The following RUBCNL variants were observed in gnomAD, a reference collection of about 807,000 sequenced individuals.
RUBCNL encodes rubicon like autophagy enhancer.
In RUBCNL, 62 loss-of-function variants were observed where a neutral mutation model predicts 69.5. The ratio of observed to expected loss-of-function variants is 0.89; its 90% CI spans 0.73 to 1.10. The LOEUF (loss-of-function observed/expected upper bound fraction) is 1.10, where lower values mean the gene tolerates loss of function less well. Among genes scored for constraint, RUBCNL ranks in the 50% least tolerant of loss-of-function variants. The pLI, the probability that RUBCNL is intolerant of heterozygous loss-of-function variation, is 0.00. For missense variants in RUBCNL, 768 were observed against 798.1 expected (o/e 0.96, Z 0.45); for synonymous variants, 291 against 303.6 (o/e 0.96, Z 0.43).
chr13:46,361,470 C>A lies in RUBCNL; in HGVS notation c.1090G>T (p.Ala364Ser), dbSNP rs762175630. ...WILSVVNSQL[A>S]GSLSAAGSIV... ...GAGCCAGCTGCACTCAGGGAACCTG[C>A]CAGCTGAGAATTAACTACTGACAGT... Residue 364 changes from alanine (A) to serine (S), a missense_variant, in exon 8 of 15, where the codon GCA becomes TCA. Coordinates refer to ENST00000429979, the MANE Select transcript of RUBCNL (RefSeq NM_025113.5). 52 of 1,613,768 alleles carry A rather than the reference C, an allele frequency of 3.2e-5. No homozygotes were observed. The highest frequency in any genetic ancestry group is 4.2e-5 in the Non-Finnish European group (50 of 1,179,832).
In RUBCNL at chr13:46,343,119, A is replaced by T; in HGVS notation, c.*266T>A. 1.9e-6 allele frequency: 1 copy of T among 532,820 alleles called. No individual in the cohort carries two copies. The highest frequency in any genetic ancestry group is 3.3e-6 in the Non-Finnish European group (1 of 305,454). The allele number at this position is 532,820 out of a possible 1,614,324, so 33.0% of individuals were successfully genotyped here. On this transcript the variant is annotated 3_prime_UTR_variant, in exon 15 of 15. Coordinates refer to ENST00000429979, the MANE Select transcript of RUBCNL (RefSeq NM_025113.5). ...AGCATCAGTGAAACATAACTATTCA[A>T]ATACAAAAGTATAAAAAACCTCTTT...
In RUBCNL at chr13:46,359,578, T is replaced by C; in HGVS notation, c.1173A>G (p.Val391=). The part of the protein sequence containing the change: ...RKDFESSMNV[V]QEIKFKSRIR... ...TCCTAGACTTAAATTTAATTTCCTGTACTACATTCATACTGGATTCAAAGT... is the reference window on the plus strand; with the variant it reads ...TCCTAGACTTAAATTTAATTTCCTGCACTACATTCATACTGGATTCAAAGT... The change falls in exon 9 of 15, where the codon GTA becomes GTG. Residue 391 remains valine (V), a synonymous_variant. Transcript: ENST00000429979. 1.3e-6 allele frequency: 2 copies of C among 1,592,740 alleles called. No individual in the cohort carries two copies. Among genetic ancestry groups the C allele is most frequent in the Non-Finnish European group, 1.7e-6 (2 of 1,168,598 alleles).
At chr13:46,362,962 A>AGATATATATATATATATATATATC in intron 6 of RUBCNL, among the ~76,000 whole-genome samples, 153 bp downstream of exon 6, 1 of 94,216 alleles carries the variant, frequency 1.1e-5, no homozygotes, top group East Asian at 3.4e-4. Context: ...ATATATATAT[A>AGATATATATATATATATATATATC]TATATATATA....
chr13:46,385,264 T>C, intron 1 of RUBCNL: 1 of 984,002 alleles, frequency 1.0e-6, no homozygotes, highest in Non-Finnish European at 1.2e-6. Context: ...CCTGGTTTTA[T>C]TTTCCAGCTT....
chr13:46,348,989 A>C (rs560201759), intron 12 of RUBCNL, among the ~76,000 whole-genome samples: 9 of 152,092 alleles, frequency 5.9e-5, no homozygotes, highest in African/African-American at 2.2e-4. Context: ...CTCCTTGTTC[A>C]CTTTCTACCA....
chr13:46,358,194 C>CA, intron 9 of RUBCNL, among the ~76,000 whole-genome samples: 1 of 152,142 alleles, frequency 6.6e-6, no homozygotes, highest in East Asian at 1.9e-4. Context: ...GGCATTCTCT[C>CA]AAAAAAAGAA....
At position 46,338,046 on chromosome 13, in the gene RUBCNL, T is replaced by C. The variant is rs950364561; in HGVS notation, c.*5339A>G. On this transcript the variant is annotated 3_prime_UTR_variant, in exon 15 of 15. Transcript: ENST00000429979. ...TGAGGTAAATGCAGATATCAGAGTG[T>C]AAGGAGAAGGGAGCATGTGTGTGCA... is the stretch of plus-strand genomic sequence containing the variant. Among the ~76,000 whole-genome samples, 6 of 151,982 alleles carry C rather than the reference T, an allele frequency of 3.9e-5. No individual in the cohort carries two copies. The highest frequency in any genetic ancestry group is 8.8e-5 in the Non-Finnish European group (6 of 67,992).
intron 1 of RUBCNL, among the ~76,000 whole-genome samples, chr13:46,386,508 AG>A (rs1295309807): frequency 5.4e-5 from 7 of 128,926 alleles, no homozygotes; most frequent in Admixed American, 4.7e-4. Context: ...TCAAGTTCGC[AG>A]GGGATCTGTA....
At chr13:46,359,777 A>G in intron 8 of RUBCNL, 146 bp from the exon 9 acceptor site, 2 of 711,976 alleles carry the variant, frequency 2.8e-6, no homozygotes, top group Non-Finnish European at 4.4e-6. Flanking sequence ...GCATACCAAG[A>G]GCCCTCCACA....
intron 3 of RUBCNL, among the ~76,000 whole-genome samples, chr13:46,369,757 G>A (rs1393551434): frequency 2.0e-5 from 3 of 152,228 alleles, no homozygotes; most frequent in Non-Finnish European, 4.4e-5. Flanking sequence ...CAAGAGCTGA[G>A]ATGTCCCAAC....
At chr13:46,356,286 C>T (rs1161380095) in intron 10 of RUBCNL, 146 bp downstream of exon 10, 13 of 719,380 alleles carry the variant, frequency 1.8e-5, no homozygotes, top group Non-Finnish European at 2.8e-5. Context: ...TGATGGACTC[C>T]TCATGAAAAG....
At chr13:46,364,394 C>G in intron 5 of RUBCNL, among the ~76,000 whole-genome samples, 1 of 133,580 alleles carries the variant, frequency 7.5e-6, no homozygotes, top group East Asian at 3.0e-4. Flanking sequence ...CAGACTCCAT[C>G]TCAAAAAAAA....
At chr13:46,353,135 G>T (rs2048407466) in intron 10 of RUBCNL, among the ~76,000 whole-genome samples, 1 of 152,244 alleles carries the variant, frequency 6.6e-6, no homozygotes, top group African/African-American at 2.4e-5. Flanking sequence ...GGGAAAGGGA[G>T]AGGGAGCTAA....
intron 2 of RUBCNL, 80 bp from the exon 3 acceptor site, chr13:46,372,677 C>T: frequency 7.4e-7 from 1 of 1,344,728 alleles, no homozygotes; most frequent in East Asian, 2.6e-5. Flanking sequence ...GATGGCAAAA[C>T]CCAAAAAATT....
chr13:46,372,256 C>T lies in RUBCNL; in HGVS notation c.220G>A (p.Gly74Arg). The T allele has an allele frequency of 6.2e-7, 1 of 1,614,030 alleles. No individual in the cohort carries two copies. Residue 74 changes from glycine (G) to arginine (R), a missense_variant, in exon 3 of 15, where the codon GGG becomes AGG. Physicochemically the swap from Gly to Arg is moderately radical, Grantham distance 125 (BLOSUM62 -2). Transcript: ENST00000429979. Reference protein sequence around the residue: ...QDLQSQVPAAGNSGTHFVTDA... With the variant: ...QDLQSQVPAARNSGTHFVTDA... ...GTCACAAAATGGGTCCCACTGTTCC[C>T]TGCTGCTGGCACCTGAGATTGCAAG...
chr13:46,388,648 G>T (rs1474823964), upstream of RUBCNL, among the ~76,000 whole-genome samples: 1 of 152,226 alleles, frequency 6.6e-6, no homozygotes, highest in Non-Finnish European at 1.5e-5. Flanking sequence ...GCCTGCACTG[G>T]TAATGACACG....
rs1216528280 is a variant in RUBCNL, at chr13:46,336,465, AG to A, written c.*6919del. On this transcript the variant is annotated 3_prime_UTR_variant, in exon 15 of 15. Coordinates refer to ENST00000429979, the MANE Select transcript of RUBCNL (RefSeq NM_025113.5). ...CTAGTCTATATGGTAAAATTTACAAAGAAAATTTTTGAAAATTATTCTAATC... is the reference window on the plus strand; with the variant it reads ...CTAGTCTATATGGTAAAATTTACAAAAAAATTTTTGAAAATTATTCTAATC... Among the ~76,000 whole-genome samples the A allele has an allele frequency of 6.6e-6, 1 of 152,244 alleles. No homozygotes were observed. The highest frequency in any genetic ancestry group is 1.5e-5 in the Non-Finnish European group (1 of 68,048).
At chr13:46,344,579 C>T (rs1006435473) in intron 14 of RUBCNL, among the ~76,000 whole-genome samples, 162 bp downstream of exon 14, 3 of 152,204 alleles carry the variant, frequency 2.0e-5, no homozygotes, top group African/African-American at 2.4e-5. Context: ...TCATTATCTC[C>T]AATCCAGCAT....
chr13:46,344,874 G>C (rs1218606884), intron 13 of RUBCNL, 43 bp from the exon 14 acceptor site: 2 of 1,279,868 alleles, frequency 1.6e-6, no homozygotes, highest in Non-Finnish European at 2.3e-6. Context: ...TCTCTTGATG[G>C]ATAAGCTGAG....
Sources: gnomAD v4.1 joint callset for allele counts (sites outside exome capture counted in the v4.1 genomes callset) on GRCh38, gnomAD v4.1.1 for gene constraint, MANE v1.5 for transcripts, NCBI Gene and HGNC (gene_info 2026-07-23, HGNC 2026-07-21) for gene names.